The following LRRIQ4 variants were observed in gnomAD, a reference collection of about 807,000 sequenced individuals.
The protein encoded by LRRIQ4 is leucine-rich repeat and IQ domain-containing protein 4.
A neutral mutation model predicts 40.1 loss-of-function variants in LRRIQ4; 21 were observed. The observed-to-expected ratio is 0.52, with a 90% CI of 0.37 to 0.75. The LOEUF (loss-of-function observed/expected upper bound fraction) is 0.75. LRRIQ4 is among the 30% of genes least tolerant of loss of function. The pLI is 0.00. For synonymous variants in LRRIQ4, 277 were observed against 277.1 expected (o/e 1.00, Z 0.00); for missense variants, 655 against 660.0 (o/e 0.99, Z 0.08).
At chr3:169,814,685 A>G (rs1294363269) in intron 1 of LRRIQ4, among the ~76,000 whole-genome samples, 1 of 152,048 alleles carries the variant, frequency 6.6e-6, no homozygotes, top group Non-Finnish European at 1.5e-5. Flanking sequence ...GGGTTTCACC[A>G]TGTTGGCCAG....
chr3:169,837,606 A>T lies in LRRIQ4; in HGVS notation c.1658A>T (p.Lys553Ile), dbSNP rs747217051. The change falls in exon 6 of 6, where the codon AAA becomes ATA. Residue 553 changes from lysine to isoleucine, a missense_variant. Transcript: ENST00000340806. ...AAAGGAAAGAAGGATGTAAAAGGAA[A>T]ACCAGGAAAGGGAAAAAAGAAATAA... The part of the protein sequence containing the change: ...DKKGKKDVKG[K>I]PGKGKKK 1 of 1,586,518 alleles carries T rather than the reference A, an allele frequency of 6.3e-7. No homozygotes were observed. Among genetic ancestry groups the T allele is most frequent in the Non-Finnish European group, 8.6e-7 (1 of 1,167,342 alleles).
Position 169,833,085 on chromosome 3 carries a change from C to A in LRRIQ4, c.1432C>A (p.Pro478Thr), listed in dbSNP as rs374309402. The change falls in exon 5 of 6, where the codon CCC (proline) becomes ACC (threonine). Residue 478 changes from proline to threonine, a missense_variant. By Grantham distance (38) the Pro-to-Thr change is conservative. Coordinates refer to ENST00000340806, the MANE Select transcript of LRRIQ4 (RefSeq NM_001080460.3). ...NLKVLTLMDN[P>T]MEEPPKEVCA... ...TAAGGTTCTGACACTGATGGACAATCCCATGGAAGAACCCCCAAAAGAAGT... is the reference window on the plus strand; with the variant it reads ...TAAGGTTCTGACACTGATGGACAATACCATGGAAGAACCCCCAAAAGAAGT... 7.4e-6 allele frequency: 12 copies of A among 1,613,756 alleles called. No individual in the cohort carries two copies. In the African/African-American group the frequency reaches 1.2e-4, roughly 16 times the overall value.
At chr3:169,823,076 G>T in intron 2 of LRRIQ4, 135 bp downstream of exon 2, 1 of 686,920 alleles carries the variant, frequency 1.5e-6, no homozygotes, top group Non-Finnish European at 2.3e-6. Context: ...ATCCAACAAG[G>T]TGATACTTTG....
chr3:169,833,101 C>T lies in LRRIQ4; in HGVS notation c.1448C>T (p.Pro483Leu), dbSNP rs1016201035. ...TLMDNPMEEP[P>L]KEVCAEGNEA... The stretch of plus-strand genomic sequence containing the variant: ...ATGGACAATCCCATGGAAGAACCCC[C>T]AAAAGAAGTGTGTGCTGAAGGCAAT... The change falls in exon 5 of 6, where the codon CCA becomes CTA. Residue 483 changes from proline (P) to leucine (L), a missense_variant. Coordinates refer to ENST00000340806, the MANE Select transcript of LRRIQ4 (RefSeq NM_001080460.3). The T allele has an allele frequency of 1.2e-6, 2 of 1,613,896 alleles. No individual in the cohort carries two copies. The highest frequency in any genetic ancestry group is 1.7e-6 in the Non-Finnish European group (2 of 1,179,848).
rs1779902530 is a variant in LRRIQ4 at position 169,822,019 on chromosome 3, C to G, written c.98C>G (p.Ser33Cys). 2 of 1,593,940 alleles carry G rather than the reference C, an allele frequency of 1.3e-6. No homozygotes were observed. The highest frequency in any genetic ancestry group is 3.7e-5 in the Admixed American group (2 of 54,416). The change falls in exon 2 of 6, where the codon TCT (serine) becomes TGT (cysteine). Residue 33 changes from serine (S) to cysteine (C), a missense_variant. Transcript: ENST00000340806. ...GATAGAACATTTTTCATTGATGCCTCTAATCAGAGCTTGACTGCCATTCCT... is the reference window on the plus strand; with the variant it reads ...GATAGAACATTTTTCATTGATGCCTGTAATCAGAGCTTGACTGCCATTCCT... ...VNDRTFFIDA[S>C]NQSLTAIPLE...
At chr3:169,822,974 C>T (rs748371682) in intron 2 of LRRIQ4, 33 bp downstream of exon 2, 1 of 1,479,648 alleles carries the variant, frequency 6.8e-7, no homozygotes, top group Non-Finnish European at 9.0e-7. Flanking sequence ...TCACTATGCT[C>T]TCATCCAGGG....
intron 1 of LRRIQ4, among the ~76,000 whole-genome samples, chr3:169,820,481 A>C (rs1779860373): frequency 6.6e-6 from 1 of 151,882 alleles, no homozygotes; most frequent in South Asian, 2.1e-4. Context: ...GTTTGCTAAA[A>C]TTTTGACTAA....
chr3:169,818,785 A>C (rs1779815058), intron 1 of LRRIQ4, among the ~76,000 whole-genome samples: 1 of 152,222 alleles, frequency 6.6e-6, no homozygotes, highest in Non-Finnish European at 1.5e-5. Context: ...TTTTAGAAGG[A>C]GAAGTTCTGC....
At chr3:169,815,842 C>T (rs1359213733) in intron 1 of LRRIQ4, among the ~76,000 whole-genome samples, 1 of 152,176 alleles carries the variant, frequency 6.6e-6, no homozygotes, top group Non-Finnish European at 1.5e-5. Flanking sequence ...GGGCTTTTAT[C>T]ATGAAGTGAT....
In LRRIQ4 at chr3:169,822,688, T is replaced by A. The variant is rs754027960; in HGVS notation, c.767T>A (p.Leu256His). 10 of 1,613,912 alleles carry A rather than the reference T, an allele frequency of 6.2e-6. No individual in the cohort carries two copies. Among genetic ancestry groups the A allele is most frequent in the South Asian group, 1.1e-5 (1 of 91,080 alleles). The change falls in exon 2 of 6, where the codon CTC becomes CAC. Residue 256 changes from leucine (L) to histidine (H), a missense_variant. Coordinates refer to ENST00000340806, the MANE Select transcript of LRRIQ4 (RefSeq NM_001080460.3). ...LHSIPKSFAE[L>H]RKMTEIGLSG... ...TCCATCCCGAAGAGCTTCGCCGAGC[T>A]CAGGAAGATGACGGAAATCGGGCTG...
intron 1 of LRRIQ4, among the ~76,000 whole-genome samples, chr3:169,821,406 G>C (rs756619418): frequency 1.1e-4 from 17 of 152,078 alleles, no homozygotes; most frequent in Non-Finnish European, 2.1e-4. Context: ...AGGCCAAGGC[G>C]GGTGGACCTG....
At chr3:169,820,467 A>G (rs1779859771) in intron 1 of LRRIQ4, among the ~76,000 whole-genome samples, 1 of 152,078 alleles carries the variant, frequency 6.6e-6, no homozygotes, top group Admixed American at 6.6e-5. Flanking sequence ...AAAGAAAAAA[A>G]AAAGTTTGCT....
rs1456238695 is a variant in LRRIQ4, at chr3:169,822,032, G to C, written c.111G>C (p.Leu37Phe). ...TCATTGATGCCTCTAATCAGAGCTT[G>C]ACTGCCATTCCTTTGGAGATCTTCA... ...TFFIDASNQS[L>F]TAIPLEIFTF... is the part of the protein sequence containing the mutation. Residue 37 changes from leucine to phenylalanine, a missense_variant, in exon 2 of 6, where the codon TTG becomes TTC. Leu to Phe is a conservative substitution (Grantham distance 22, BLOSUM62 0). Transcript: ENST00000340806. 2 of 1,602,414 alleles carry C rather than the reference G, an allele frequency of 1.2e-6. No individual in the cohort carries two copies. Among genetic ancestry groups the C allele is most frequent in the Non-Finnish European group, 1.7e-6 (2 of 1,176,486 alleles).
intron 1 of LRRIQ4, among the ~76,000 whole-genome samples, chr3:169,815,141 T>C (rs909824921): frequency 6.6e-6 from 1 of 152,232 alleles, no homozygotes; most frequent in Non-Finnish European, 1.5e-5. Context: ...TTCATACAAA[T>C]TTTAGGATTA....
chr3:169,835,099 A>G (rs1444093511), intron 5 of LRRIQ4, among the ~76,000 whole-genome samples: 2 of 152,166 alleles, frequency 1.3e-5, no homozygotes, highest in Non-Finnish European at 2.9e-5. Flanking sequence ...AACCTTGTTC[A>G]CGTAGATGAG....
chr3:169,818,618 C>T (rs1779812446), intron 1 of LRRIQ4, among the ~76,000 whole-genome samples: 1 of 152,148 alleles, frequency 6.6e-6, no homozygotes, highest in South Asian at 2.1e-4. Context: ...ACACTTATTG[C>T]ATCTGCTATT....
chr3:169,827,335 C>T lies in LRRIQ4; in HGVS notation c.1021-1424C>T, dbSNP rs188297224. Among the ~76,000 whole-genome samples, 782 of 152,118 alleles carry T rather than the reference C, an allele frequency of 5.1e-3. 2 individuals carry two copies. Among genetic ancestry groups the T allele is most frequent in the Non-Finnish European group, 8.4e-3 (574 of 67,976 alleles). Reference sequence around the variant, plus strand: ...AAGAATGAGATTTTTTCGCCGGGTGCGGTGGCTCATGCCTGTAATCTCAGC... The same window carrying T: ...AAGAATGAGATTTTTTCGCCGGGTGTGGTGGCTCATGCCTGTAATCTCAGC... On this transcript the variant is annotated intron_variant, in intron 2 of 5. Transcript: ENST00000340806.
At chr3:169,819,438 C>T (rs372901255) in intron 1 of LRRIQ4, among the ~76,000 whole-genome samples, 19 of 152,216 alleles carry the variant, frequency 1.2e-4, no homozygotes, top group African/African-American at 4.3e-4. Flanking sequence ...TGTCTGGAAG[C>T]CCAGACACCC....
chr3:169,826,574 A>G (rs1780045832), intron 2 of LRRIQ4, among the ~76,000 whole-genome samples: 1 of 152,182 alleles, frequency 6.6e-6, no homozygotes, highest in African/African-American at 2.4e-5. Context: ...TAACTACTGG[A>G]TCTTAAATAC....
Sources: gnomAD v4.1 joint callset for allele counts (sites outside exome capture counted in the v4.1 genomes callset) on GRCh38, gnomAD v4.1.1 for gene constraint, MANE v1.5 for transcripts, NCBI Gene and HGNC (gene_info 2026-07-23, HGNC 2026-07-21) for gene names.